The following TTC21A variants were observed in gnomAD, a reference collection of about 807,000 sequenced individuals.
TTC21A encodes tetratricopeptide repeat domain 21A.
A neutral mutation model predicts 156.4 loss-of-function variants in TTC21A; 128 were observed. The ratio of observed to expected loss-of-function variants is 0.82; its 90% CI spans 0.71 to 0.95. TTC21A has a LOEUF of 0.95. TTC21A is among the 40% of genes least tolerant of loss of function. TTC21A has a pLI of 0.00. For missense variants in TTC21A, 1,435 were observed against 1,602.3 expected, an observed-to-expected ratio of 0.90 and a Z score of 1.78; for synonymous variants, 587 against 617.1, an observed-to-expected ratio of 0.95 and a Z score of 0.72.
At chr3:39,120,091 C>G in intron 8 of TTC21A, 71 bp downstream of exon 8, 1 of 1,155,962 alleles carries the variant, frequency 8.7e-7, no homozygotes, top group Non-Finnish European at 1.3e-6. Flanking sequence ...CTGTGCTCCC[C>G]CAGGAAGCTC....
chr3:39,130,488 G>A lies in TTC21A; in HGVS notation c.2319+130G>A. 2.2e-6 allele frequency: 2 copies of A among 915,796 alleles called. No homozygotes were observed. Among genetic ancestry groups the A allele is most frequent in the South Asian group, 3.3e-5 (2 of 60,556 alleles). The allele number at this position is 915,796 out of a possible 1,614,324, so 56.7% of individuals were successfully genotyped here. Reference sequence around the variant, plus strand: ...CTTTTCACTCAGCTCCTTGCTGAATGGGGTGCCAAGGGGAGAACTCAGCAA... The same window carrying A: ...CTTTTCACTCAGCTCCTTGCTGAATAGGGTGCCAAGGGGAGAACTCAGCAA... On this transcript the variant is annotated intron_variant, in intron 17 of 28. Coordinates refer to ENST00000683103, the MANE Select transcript of TTC21A (RefSeq NM_001366900.1). The surrounding 1 kb of genome is among the most constrained non-coding windows in gnomAD (Gnocchi z 4.5).
chr3:39,129,934 C>A, intron 15 of TTC21A, 145 bp from the exon 16 acceptor site: 1 of 878,122 alleles, frequency 1.1e-6, no homozygotes, highest in Middle Eastern at 3.3e-4. Context: ...CACAGTGCCT[C>A]ATTCACAGTG....
In TTC21A at chr3:39,130,509, A is replaced by G. The variant is rs905692121; in HGVS notation, c.2319+151A>G. The G allele has an allele frequency of 1.1e-5, 10 of 947,722 alleles. No homozygotes were observed. The highest frequency in any genetic ancestry group is 6.7e-4 in the Middle Eastern group (2 of 2,974). The allele number at this position is 947,722 out of a possible 1,614,324, so 58.7% of individuals were successfully genotyped here. A position where few individuals can be genotyped will look rare whatever the true frequency, so the allele number is the denominator to read the frequency against. On this transcript the variant is annotated intron_variant, in intron 17 of 28. Transcript: ENST00000683103. The surrounding 1 kb of genome is among the most constrained non-coding windows in gnomAD (Gnocchi z 4.5). The stretch of plus-strand genomic sequence containing the variant: ...GAATGGGGTGCCAAGGGGAGAACTC[A>G]GCAACTCTCTGCTGCTGACCACACC...
chr3:39,116,843 T>A (rs1048350304), intron 6 of TTC21A, among the ~76,000 whole-genome samples: 2 of 152,310 alleles, frequency 1.3e-5, no homozygotes, highest in East Asian at 3.9e-4. Context: ...GTATTCTAAC[T>A]TTTTAAAAAT....
chr3:39,132,638 T>C lies in TTC21A; in HGVS notation c.2563-414T>C, dbSNP rs374228635. On this transcript the variant is annotated intron_variant, in intron 19 of 28. Transcript: ENST00000683103. Reference sequence around the variant, plus strand: ...TGTTCTCTGCTTACTCACCTGATCATTTGTGTGGTGAATATTTGTGGGTGC... The same window carrying C: ...TGTTCTCTGCTTACTCACCTGATCACTTGTGTGGTGAATATTTGTGGGTGC... 4.6e-5 allele frequency: 10 copies of C among 218,118 alleles called. 1 individual carries two copies. The East Asian group carries it at 1.3e-3, about 28-fold the overall frequency. The allele number at this position is 218,118 out of a possible 1,614,324, so 13.5% of individuals were successfully genotyped here. A position where few individuals can be genotyped will look rare whatever the true frequency, so the allele number is the denominator to read the frequency against.
At chr3:39,126,877 A>G (rs1273320316) in intron 12 of TTC21A, among the ~76,000 whole-genome samples, 1 of 152,208 alleles carries the variant, frequency 6.6e-6, no homozygotes, top group Non-Finnish European at 1.5e-5. Flanking sequence ...GCTTGCATCT[A>G]GTAAGGGGAA....
At chr3:39,128,216 C>T (rs2125831893) in intron 12 of TTC21A, 115 bp from the exon 13 acceptor site, 1 of 1,231,398 alleles carries the variant, frequency 8.1e-7, no homozygotes, top group Admixed American at 2.1e-5. Flanking sequence ...GGCTAAAATA[C>T]TCAATTTTGT....
At chr3:39,118,009 C>A in intron 6 of TTC21A, 60 bp from the exon 7 acceptor site, 1 of 1,264,598 alleles carries the variant, frequency 7.9e-7, no homozygotes, top group Non-Finnish European at 1.2e-6. Context: ...GTCGCCAACA[C>A]ACCATCCCAG....
At position 39,121,064 on chromosome 3, in the gene TTC21A, C is replaced by A; in HGVS notation, c.968C>A (p.Pro323His). ...ATCGAGCGCACCTTCATGGCCACCCCCTCGTATGTCCATGTGGCCACAGAA... is the reference window on the plus strand; with the variant it reads ...ATCGAGCGCACCTTCATGGCCACCCACTCGTATGTCCATGTGGCCACAGAA... ...SFIERTFMAT[P>H]SYVHVATELG... Residue 323 changes from proline (P) to histidine (H), a missense_variant, in exon 9 of 29, where the codon CCC becomes CAC. Coordinates refer to ENST00000683103, the MANE Select transcript of TTC21A (RefSeq NM_001366900.1). 4 of 1,614,086 alleles carry A rather than the reference C, an allele frequency of 2.5e-6. No individual in the cohort carries two copies. The South Asian group carries it at 4.4e-5, about 18-fold the overall frequency.
chr3:39,128,608 G>T, intron 13 of TTC21A, 109 bp from the exon 14 acceptor site: 1 of 1,557,622 alleles, frequency 6.4e-7, no homozygotes, highest in Non-Finnish European at 8.7e-7. Flanking sequence ...TCGTCCAAAG[G>T]CAGGGGTAGG....
chr3:39,117,954 T>C (rs2037428508), intron 6 of TTC21A, 115 bp from the exon 7 acceptor site: 2 of 760,374 alleles, frequency 2.6e-6, no homozygotes, highest in Non-Finnish European at 4.6e-6. Context: ...GGGAGTTCTA[T>C]TATTAAAAGA....
chr3:39,137,135 G>A, intron 24 of TTC21A, 60 bp from the exon 25 acceptor site: 1 of 1,600,616 alleles, frequency 6.2e-7, no homozygotes, highest in Non-Finnish European at 8.5e-7. Flanking sequence ...TTGAAGCCAG[G>A]TGAGGGCCAC....
Position 39,107,831 on chromosome 3 carries a change from G to A in TTC21A, c.-7G>A, listed in dbSNP as rs2036332381. The A allele has an allele frequency of 6.2e-7, 1 of 1,612,694 alleles. No individual in the cohort carries two copies. Among genetic ancestry groups the A allele is most frequent in the East Asian group, 2.2e-5 (1 of 44,842 alleles). Reference sequence around the variant, plus strand: ...AGACCCGGACTCGGAGCCGCGAGCGGCCCGAGATGAGCAGCAATGACTCCT... The same window carrying A: ...AGACCCGGACTCGGAGCCGCGAGCGACCCGAGATGAGCAGCAATGACTCCT... On this transcript the variant is annotated 5_prime_UTR_variant, in exon 1 of 29. Coordinates refer to ENST00000683103, the MANE Select transcript of TTC21A (RefSeq NM_001366900.1).
Position 39,109,278 on chromosome 3 carries a change from C to G in TTC21A, c.157+64C>G, listed in dbSNP as rs2036578596. ...CTAGCTGGGCCCTAACACTCTGGCT[C>G]CACCTGGATGCCTTCTTGTATCCTA... On this transcript the variant is annotated intron_variant, in intron 2 of 28. Coordinates refer to ENST00000683103, the MANE Select transcript of TTC21A (RefSeq NM_001366900.1). The G allele has an allele frequency of 1.5e-5, 24 of 1,553,840 alleles. No homozygotes were observed. In the East Asian group the frequency reaches 2.3e-4, roughly 15 times the overall value.
intron 11 of TTC21A, 98 bp downstream of exon 11, chr3:39,125,630 C>T: frequency 1.1e-6 from 1 of 910,038 alleles, no homozygotes; most frequent in Non-Finnish European, 1.8e-6. Flanking sequence ...TGGCCAGTCA[C>T]AAGTAAGGAT....
At position 39,119,965 on chromosome 3, in the gene TTC21A, G is replaced by A. The variant is rs1274972; in HGVS notation, c.845G>A (p.Arg282Lys). The change falls in exon 8 of 29, where the codon AGG becomes AAG. Residue 282 changes from arginine to lysine, a missense_variant. Physicochemically the swap from Arg to Lys is conservative, Grantham distance 26. Transcript: ENST00000683103. ...AATCTGATTAAGGCACTAGAGACAA[G>A]GGAACCCGAAAATCCAAGCCTCCAT... ...VRNLIKALET[R>K]EPENPSLHLK... 0.34 allele frequency: 543,368 copies of A among 1,585,048 alleles called. 104,051 individuals are homozygous for A. Among genetic ancestry groups the A allele is most frequent in the African/African-American group, 0.79 (57,915 of 73,760 alleles).
Position 39,128,772 on chromosome 3 carries a change from G to C in TTC21A, c.1736G>C (p.Gly579Ala). ...AAGGCCAGGGCCCTCAACAAGGCTG[G>C]AGACTATCCAGAGGCCATAAAGACG... ...LIKARALNKA[G>A]DYPEAIKTLK... The change falls in exon 14 of 29, where the codon GGA (glycine) becomes GCA (alanine). Residue 579 changes from glycine (G) to alanine (A), a missense_variant. Transcript: ENST00000683103. The C allele has an allele frequency of 6.2e-7, 1 of 1,614,154 alleles. No individual in the cohort carries two copies. The highest frequency in any genetic ancestry group is 8.5e-7 in the Non-Finnish European group (1 of 1,180,038).
Position 39,137,642 on chromosome 3 carries a change from A to G in TTC21A, c.3607A>G (p.Ile1203Val). The G allele has an allele frequency of 5.0e-6, 8 of 1,614,150 alleles. No homozygotes were observed. Among genetic ancestry groups the G allele is most frequent in the Non-Finnish European group, 6.8e-6 (8 of 1,180,014 alleles). The change falls in exon 26 of 29, where the codon ATT becomes GTT. Residue 1203 changes from isoleucine to valine, a missense_variant. By Grantham distance (29) the Ile-to-Val change is conservative. Coordinates refer to ENST00000683103, the MANE Select transcript of TTC21A (RefSeq NM_001366900.1). ...LEKSWLLLAD[I>V]YCQGSKFDLA... ...GAAGAGCTGGCTCCTGCTGGCTGAC[A>G]TTTACTGCCAGGGCAGCAAGTTCGA...
intron 9 of TTC21A, among the ~76,000 whole-genome samples, chr3:39,122,943 G>A (rs1229328326): frequency 6.6e-6 from 1 of 152,172 alleles, no homozygotes; most frequent in African/African-American, 2.4e-5. Flanking sequence ...GACAAAATCA[G>A]TGACCTTAAC....
Sources: gnomAD v4.1 joint callset for allele counts (sites outside exome capture counted in the v4.1 genomes callset) on GRCh38, gnomAD v4.1.1 for gene constraint, Gnocchi (gnomAD v3.1) non-coding constraint, MANE v1.5 for transcripts, NCBI Gene and HGNC (gene_info 2026-07-23, HGNC 2026-07-21) for gene names.